Variants in MEGF6 observed in about 807,000 individuals in gnomAD.
MEGF6 encodes the protein multiple epidermal growth factor-like domains protein 6.
Under a neutral mutation model 207.1 loss-of-function variants are expected in MEGF6, and 184 were observed. The ratio of observed to expected loss-of-function variants is 0.89; its 90% CI spans 0.79 to 1.00. The LOEUF is 1.00. Ranked by LOEUF, MEGF6 falls within the 50% of genes least tolerant of loss-of-function variation. The pLI, the probability that MEGF6 is intolerant of heterozygous loss-of-function variation, is 0.00. For missense variants in MEGF6, 2,282 were observed against 2,202.9 expected (o/e 1.04, Z -0.72); for synonymous variants, 1,038 against 910.0 (o/e 1.14, Z -2.53).
At chr1:3,531,112 C>G in intron 4 of MEGF6, 1 of 1,527,724 alleles carries the variant, frequency 6.5e-7, no homozygotes, top group Non-Finnish European at 8.8e-7. Flanking sequence ...CACGGGGTAG[C>G]CGGCCTGGCC....
intron 4 of MEGF6, among the ~76,000 whole-genome samples, chr1:3,532,430 C>A (rs1330731561): frequency 6.6e-6 from 1 of 152,234 alleles, no homozygotes; most frequent in East Asian, 1.9e-4. Context: ...TGCTCAATGA[C>A]CCTCAGCAGT....
rs1486985127 is a variant in MEGF6 at position 3,598,941 on chromosome 1, G to A, written c.267-3494C>T. Reference sequence around the variant, plus strand: ...CGGGTTTGTCAGGGAAGTACCCACTGAGGGGGCTGAAGGCAAGACCCCTGA... The same window carrying A: ...CGGGTTTGTCAGGGAAGTACCCACTAAGGGGGCTGAAGGCAAGACCCCTGA... On this transcript the variant is annotated intron_variant, in intron 2 of 36. Transcript: ENST00000356575. Among the ~76,000 whole-genome samples, 4 of 152,104 alleles carry A rather than the reference G, an allele frequency of 2.6e-5. No individual in the cohort carries two copies. In the East Asian group the frequency reaches 7.7e-4, roughly 29 times the overall value.
intron 25 of MEGF6, 64 bp from the exon 26 acceptor site, chr1:3,498,563 C>T (rs1640713606): frequency 4.0e-6 from 6 of 1,501,032 alleles, no homozygotes; most frequent in Admixed American, 4.2e-5. Context: ...AGACCCTGAC[C>T]CATGCTTCCT....
rs1011700888 is a variant in MEGF6 at position 3,489,053 on chromosome 1, T to G, written c.*1475A>C. Among the ~76,000 whole-genome samples, 5 of 152,238 alleles carry G rather than the reference T, an allele frequency of 3.3e-5. No individual in the cohort carries two copies. Among genetic ancestry groups the G allele is most frequent in the Admixed American group, 1.3e-4 (2 of 15,282 alleles). On this transcript the variant is annotated 3_prime_UTR_variant, in exon 37 of 37. Transcript: ENST00000356575. ...CTGAGCTGTATCCACTCACCCCATC[T>G]GCTGGATGCTTCATTTCAAGGTATG...
intron 17 of MEGF6, among the ~76,000 whole-genome samples, chr1:3,502,401 G>A (rs1048865930): frequency 2.0e-5 from 3 of 151,908 alleles, no homozygotes; most frequent in Admixed American, 6.5e-5. Context: ...CCAACCTGGC[G>A]ATGCTGATCC....
chr1:3,533,512 G>A (rs753400124), intron 4 of MEGF6, among the ~76,000 whole-genome samples: 3 of 152,312 alleles, frequency 2.0e-5, no homozygotes, highest in Middle Eastern at 3.4e-3. Context: ...CGAGGGTCCC[G>A]CCCTCCGCAG....
intron 4 of MEGF6, among the ~76,000 whole-genome samples, chr1:3,538,756 T>C (rs1361890952): frequency 6.9e-6 from 1 of 145,590 alleles, no homozygotes; most frequent in East Asian, 2.2e-4. Context: ...CCGCGCTGTC[T>C]GTGGGTTCTC....
rs768540757 is a variant in MEGF6 at position 3,531,186 on chromosome 1, G to A, written c.482-6940C>T. The A allele has an allele frequency of 1.1e-5, 16 of 1,521,112 alleles. No individual in the cohort carries two copies. The South Asian group carries it at 1.1e-4, about 11-fold the overall frequency. 94.2% of individuals were successfully genotyped at this position (1,521,112 alleles called of 1,614,324 possible). A position where few individuals can be genotyped will look rare whatever the true frequency, so the allele number is the denominator to read the frequency against. The stretch of plus-strand genomic sequence containing the variant: ...AGTGCGTGCCCGCGACGCGCGCCAG[G>A]CCCCCCAGGAGCCCAAGGCACCAGA... On this transcript the variant is annotated intron_variant, in intron 4 of 36. Coordinates refer to ENST00000356575, the MANE Select transcript of MEGF6 (RefSeq NM_001409.4).
At chr1:3,554,999 G>T (rs1642992398) in intron 4 of MEGF6, among the ~76,000 whole-genome samples, 1 of 152,204 alleles carries the variant, frequency 6.6e-6, no homozygotes, top group Non-Finnish European at 1.5e-5. Flanking sequence ...GACAAGGGCT[G>T]ATCCCAGGTC....
chr1:3,511,052 C>A, intron 9 of MEGF6, 150 bp from the exon 10 acceptor site: 1 of 1,153,416 alleles, frequency 8.7e-7, no homozygotes, highest in Non-Finnish European at 1.2e-6. Context: ...CACCGACATT[C>A]ATGGCACCTG....
At chr1:3,619,581 C>T in the MEGF6 span, among the ~76,000 whole-genome samples, 2 of 147,888 alleles carry the variant, frequency 1.4e-5, no homozygotes, top group Non-Finnish European at 3.0e-5. Flanking sequence ...CTCAGGAGAT[C>T]TGATGGTTTA....
chr1:3,500,988 C>A lies in MEGF6; in HGVS notation c.2553G>T (p.Trp851Cys). 1.2e-6 allele frequency: 2 copies of A among 1,612,106 alleles called. No homozygotes were observed. The highest frequency in any genetic ancestry group is 2.2e-5 in the South Asian group (2 of 91,034). The change falls in exon 20 of 37, where the codon TGG becomes TGT. Residue 851 changes from tryptophan (W) to cysteine (C), a missense_variant. Trp to Cys is a radical substitution (Grantham distance 215). Coordinates refer to ENST00000356575, the MANE Select transcript of MEGF6 (RefSeq NM_001409.4). Reference sequence around the variant, plus strand: ...TACCTCTCTGGCAGCTAAAGCCGGTCCACCCGGGGGCACAGCTGCAGTGTC... The same window carrying A: ...TACCTCTCTGGCAGCTAAAGCCGGTACACCCGGGGGCACAGCTGCAGTGTC... Reference protein sequence around the residue: ...ATGHCSCAPGWTGFSCQRACD... With the variant: ...ATGHCSCAPGCTGFSCQRACD...
At chr1:3,599,295 G>A (rs1644122750) in intron 2 of MEGF6, among the ~76,000 whole-genome samples, 1 of 152,254 alleles carries the variant, frequency 6.6e-6, no homozygotes, top group Non-Finnish European at 1.5e-5. Context: ...AGGAGAGGAG[G>A]TGTCTCCTTG....
At chr1:3,531,478 C>A (rs1014881117) in intron 4 of MEGF6, 1 of 1,079,624 alleles carries the variant, frequency 9.3e-7, no homozygotes, top group Non-Finnish European at 1.1e-6. Flanking sequence ...AGGTAAAGGC[C>A]AAGTCCGCAG....
In MEGF6 at chr1:3,497,135, C is replaced by T. The variant is rs1477948757; in HGVS notation, c.3482-16G>A. On this transcript the variant is annotated splice_polypyrimidine_tract_variant and intron_variant, in intron 27 of 36. Transcript: ENST00000356575. ...GGTGGGCAGGCTGGGTGGAGACAGG[C>T]AGGGTCGGTCCTGGCCCAGCCCCGC... The T allele has an allele frequency of 6.4e-7, 1 of 1,567,032 alleles. No homozygotes were observed. Among genetic ancestry groups the T allele is most frequent in the East Asian group, 2.3e-5 (1 of 43,240 alleles).
At chr1:3,524,876 G>A (rs1641902106) in intron 4 of MEGF6, among the ~76,000 whole-genome samples, 1 of 152,140 alleles carries the variant, frequency 6.6e-6, no homozygotes, top group African/African-American at 2.4e-5. Context: ...ACACAGAGAG[G>A]GCCATGTGGA....
At chr1:3,521,629 G>A (rs11587384) in intron 5 of MEGF6, among the ~76,000 whole-genome samples, 23,847 of 152,086 alleles carry the variant, frequency 0.16, 2,097 homozygotes, top group East Asian at 0.37. Flanking sequence ...AGGGGACTCC[G>A]TCCCCGGTCT....
At chr1:3,598,566 C>G (rs1325131583) in intron 2 of MEGF6, among the ~76,000 whole-genome samples, 1 of 152,200 alleles carries the variant, frequency 6.6e-6, no homozygotes, top group African/African-American at 2.4e-5. Context: ...GCTGACCACC[C>G]CCTCCATCCC....
At chr1:3,604,773 C>T (rs1644217670) in intron 1 of MEGF6, among the ~76,000 whole-genome samples, 1 of 152,160 alleles carries the variant, frequency 6.6e-6, no homozygotes, top group South Asian at 2.1e-4. Context: ...CTTCCCCCAG[C>T]ACTGTTGGGC....
Sources: allele counts gnomAD v4.1 joint callset (sites outside exome capture counted in the v4.1 genomes callset), GRCh38; gene constraint gnomAD v4.1.1; transcripts MANE v1.5; gene names NCBI Gene and HGNC (gene_info 2026-07-23, HGNC 2026-07-21).